The following LRRTM3 variants were observed in gnomAD, a reference collection of about 807,000 sequenced individuals.
LRRTM3 encodes the protein leucine-rich repeat transmembrane neuronal protein 3.
A neutral mutation model predicts 44.7 loss-of-function variants in LRRTM3; 24 were observed. The observed-to-expected ratio is 0.54, with a 90% CI of 0.39 to 0.76. LRRTM3 has a LOEUF of 0.76. LRRTM3 is among the 30% of genes least tolerant of loss of function. The probability of loss-of-function intolerance (pLI) is 0.00; values close to 1 mark genes in which losing one functional copy is unlikely to be tolerated. For synonymous variants in LRRTM3, 277 were observed against 278.7 expected (o/e 0.99, Z 0.06); for missense variants, 587 against 702.2 (o/e 0.84, Z 1.85).
chr10:67,045,430 TTTGTTG>T (rs757199869), intron 2 of LRRTM3, among the ~76,000 whole-genome samples: 2 of 152,002 alleles, frequency 1.3e-5, no homozygotes, highest in African/African-American at 2.4e-5. Context: ...GTTGTTGTTG[TTTGTTG>T]TTGTTGTTGT....
chr10:66,986,006 G>A (rs149682178), intron 2 of LRRTM3, among the ~76,000 whole-genome samples: 1,578 of 152,168 alleles, frequency 0.01, 32 homozygotes, highest in African/African-American at 0.035. Flanking sequence ...GATTACAGGC[G>A]TGAGCCACCA....
intron 2 of LRRTM3, among the ~76,000 whole-genome samples, chr10:66,992,427 CCTT>C (rs1203275838): frequency 1.3e-5 from 2 of 152,014 alleles, no homozygotes; most frequent in Non-Finnish European, 2.9e-5. Flanking sequence ...TCCTCTTTCT[CCTT>C]CTTCTTGTTC....
At chr10:66,949,366 G>C (rs7077731) in intron 2 of LRRTM3, among the ~76,000 whole-genome samples, 41,767 of 151,908 alleles carry the variant, frequency 0.27, 6,029 homozygotes, top group Middle Eastern at 0.33. Flanking sequence ...AGACCAGCCT[G>C]ACCAACATGG....
At chr10:67,006,130 A>G (rs1415447075) in intron 2 of LRRTM3, among the ~76,000 whole-genome samples, 1 of 152,178 alleles carries the variant, frequency 6.6e-6, no homozygotes, top group Admixed American at 6.5e-5. Context: ...CTTGCAAGGT[A>G]AGAACTCCTG....
chr10:66,978,552 A>AAATAAAAAAAAAATATATATATATATAT, intron 2 of LRRTM3, among the ~76,000 whole-genome samples: 10 of 37,886 alleles, frequency 2.6e-4, no homozygotes, highest in South Asian at 1.2e-3. Context: ...AAAAAAAAAA[A>AAATAAAAAAAAAATATATATATATATAT]ATATATATAT....
intron 2 of LRRTM3, among the ~76,000 whole-genome samples, chr10:66,969,173 A>G (rs2132817171): frequency 6.6e-6 from 1 of 152,236 alleles, no homozygotes; most frequent in African/African-American, 2.4e-5. Flanking sequence ...TTAATAAGAA[A>G]ATGTAACATA....
At chr10:66,979,811 A>G (rs1850307951) in intron 2 of LRRTM3, among the ~76,000 whole-genome samples, 1 of 152,336 alleles carries the variant, frequency 6.6e-6, no homozygotes, top group African/African-American at 2.4e-5. Context: ...TCTATGGAGA[A>G]AAGGTCCTTT....
intron 2 of LRRTM3, among the ~76,000 whole-genome samples, chr10:66,964,043 G>T (rs1485580795): frequency 6.6e-6 from 1 of 151,716 alleles, no homozygotes; most frequent in East Asian, 1.9e-4. Flanking sequence ...GTAGTGATGG[G>T]TTTTCACCAT....
chr10:67,055,142 C>T (rs1318774188), intron 2 of LRRTM3: 2 of 152,150 alleles, frequency 1.3e-5, no homozygotes, highest in Admixed American at 1.3e-4. Flanking sequence ...TCTCCTGCTT[C>T]CTACCTACGC....
At chr10:67,015,481 T>C (rs1485911603) in intron 2 of LRRTM3, 2 of 152,158 alleles carry the variant, frequency 1.3e-5, no homozygotes, top group African/African-American at 4.8e-5. Context: ...CAGAATTGTG[T>C]AGTAATTGCT....
chr10:67,008,538 A>T (rs575272506), intron 2 of LRRTM3, among the ~76,000 whole-genome samples: 1 of 152,192 alleles, frequency 6.6e-6, no homozygotes, highest in Admixed American at 6.5e-5. Flanking sequence ...ATTTGTTCAT[A>T]ATTGTGTGAG....
At chr10:67,024,999 G>T (rs532454481) in intron 2 of LRRTM3, among the ~76,000 whole-genome samples, 1 of 151,644 alleles carries the variant, frequency 6.6e-6, no homozygotes, top group East Asian at 1.9e-4. Context: ...GTGTGGTGGC[G>T]CATGCCTGTA....
intron 2 of LRRTM3, among the ~76,000 whole-genome samples, chr10:66,931,550 C>CCT (rs1335780811): frequency 6.6e-6 from 1 of 152,138 alleles, no homozygotes; most frequent in African/African-American, 2.4e-5. Flanking sequence ...GCAGCAGTGA[C>CCT]CTCTAGTGTC....
At chr10:67,052,957 A>G (rs114198208) in intron 2 of LRRTM3, among the ~76,000 whole-genome samples, 2,051 of 152,318 alleles carry the variant, frequency 0.013, 49 homozygotes, top group African/African-American at 0.046. Context: ...CATTTACCTC[A>G]AAGTATGTTC....
At chr10:67,094,182 T>C (rs1274065795) in intron 2 of LRRTM3, among the ~76,000 whole-genome samples, 1 of 151,976 alleles carries the variant, frequency 6.6e-6, no homozygotes, top group Non-Finnish European at 1.5e-5. Flanking sequence ...TCATTATAAA[T>C]AATTAGAAGC....
chr10:66,936,462 T>C (rs1847699610), intron 2 of LRRTM3, among the ~76,000 whole-genome samples: 1 of 152,112 alleles, frequency 6.6e-6, no homozygotes, highest in South Asian at 2.1e-4. Context: ...TTCCTGGTGT[T>C]TTTTTGTTTG....
At chr10:66,946,970 T>C (rs1441306527) in intron 2 of LRRTM3, among the ~76,000 whole-genome samples, 2 of 152,192 alleles carry the variant, frequency 1.3e-5, no homozygotes, top group East Asian at 3.9e-4. Flanking sequence ...TTTTAAAATC[T>C]ATTCATGTAC....
At chr10:67,006,121 T>C (rs953465718) in intron 2 of LRRTM3, among the ~76,000 whole-genome samples, 2 of 152,156 alleles carry the variant, frequency 1.3e-5, no homozygotes, top group Non-Finnish European at 2.9e-5. Context: ...TGCAACTATC[T>C]TGCAAGGTAA....
intron 2 of LRRTM3, among the ~76,000 whole-genome samples, chr10:67,074,599 C>T (rs936489442): frequency 2.6e-5 from 4 of 152,074 alleles, no homozygotes; most frequent in Admixed American, 6.5e-5. Context: ...ATCCACCCAC[C>T]TCGGGTTCCC....
Sources: gnomAD v4.1 joint callset for allele counts (sites outside exome capture counted in the v4.1 genomes callset) on GRCh38, gnomAD v4.1.1 for gene constraint, MANE v1.5 for transcripts, NCBI Gene and HGNC (gene_info 2026-07-23, HGNC 2026-07-21) for gene names.